Variants in ZNF407 observed in about 807,000 individuals in gnomAD.
ZNF407 encodes zinc finger protein 407.
Under a neutral mutation model 131.2 loss-of-function variants are expected in ZNF407, and 17 were observed. The ratio of observed to expected loss-of-function variants is 0.13; its 90% confidence interval spans 0.09 to 0.19. ZNF407 has a LOEUF of 0.19. Among genes scored for constraint, ZNF407 ranks in the 10% least tolerant of loss-of-function variants. The probability of loss-of-function intolerance (pLI) is 1.00; values close to 1 mark genes in which losing one functional copy is unlikely to be tolerated. For synonymous variants in ZNF407, 1,156 were observed against 1,062.0 expected, an observed-to-expected ratio of 1.09 and a Z score of -1.72; for missense variants, 2,681 against 2,830.6, an observed-to-expected ratio of 0.95 and a Z score of 1.20.
At chr18:74,662,362 G>T (rs1985752547) in intron 3 of ZNF407, among the ~76,000 whole-genome samples, 1 of 152,084 alleles carries the variant, frequency 6.6e-6, no homozygotes, top group Non-Finnish European at 1.5e-5. Context: ...TAATCCCTCT[G>T]TTATCATTAT....
At chr18:75,047,603 T>G (rs529589338) in intron 8 of ZNF407, among the ~76,000 whole-genome samples, 5 of 152,374 alleles carry the variant, frequency 3.3e-5, no homozygotes, top group African/African-American at 9.6e-5. Context: ...CTGTTAAGAC[T>G]TTCAGATATT....
chr18:74,611,674 A>G (rs1485422701), intron 1 of ZNF407, among the ~76,000 whole-genome samples: 1 of 152,208 alleles, frequency 6.6e-6, no homozygotes, highest in African/African-American at 2.4e-5. Flanking sequence ...GGGAGTATCT[A>G]GTAAAGTTGA....
intron 3 of ZNF407, among the ~76,000 whole-genome samples, chr18:74,663,643 C>G (rs1985809769): frequency 6.6e-6 from 1 of 152,230 alleles, no homozygotes; most frequent in East Asian, 1.9e-4. Flanking sequence ...CTGCATTTTG[C>G]TGTGTTCAGA....
intron 2 of ZNF407, among the ~76,000 whole-genome samples, chr18:74,637,874 T>A (rs1430590169): frequency 6.6e-6 from 1 of 152,178 alleles, no homozygotes; most frequent in Admixed American, 6.5e-5. Context: ...AAGAAATAAA[T>A]GAGTTTTGGT....
intron 8 of ZNF407, among the ~76,000 whole-genome samples, chr18:75,008,325 T>G (rs1972935407): frequency 6.6e-6 from 1 of 152,116 alleles, no homozygotes; most frequent in Non-Finnish European, 1.5e-5. Context: ...TACAGATGAT[T>G]CCAAATCACA....
At chr18:74,882,283 G>A (rs1971249575) in intron 6 of ZNF407, among the ~76,000 whole-genome samples, 1 of 152,140 alleles carries the variant, frequency 6.6e-6, no homozygotes, top group Non-Finnish European at 1.5e-5. Flanking sequence ...GTGGTTTCTT[G>A]TAATTATTAA....
intron 8 of ZNF407, among the ~76,000 whole-genome samples, chr18:74,924,942 T>A (rs148640800): frequency 1.3e-5 from 2 of 152,344 alleles, no homozygotes. Flanking sequence ...GTGGTCACTT[T>A]CTGAGCCTAT....
intron 8 of ZNF407, among the ~76,000 whole-genome samples, chr18:74,934,279 T>C (rs1257325323): frequency 2.0e-5 from 3 of 152,242 alleles, no homozygotes; most frequent in Non-Finnish European, 2.9e-5. Context: ...TTAATCACTA[T>C]TGTATGGAAT....
intron 8 of ZNF407, among the ~76,000 whole-genome samples, chr18:74,931,656 TA>T (rs562027500): frequency 4.0e-5 from 6 of 148,660 alleles, no homozygotes; most frequent in Non-Finnish European, 9.0e-5. Context: ...TTTAACTGTC[TA>T]AAAAAAAAAC....
intron 7 of ZNF407, among the ~76,000 whole-genome samples, chr18:74,901,026 C>A (rs1971517644): frequency 6.6e-6 from 1 of 152,038 alleles, no homozygotes; most frequent in Admixed American, 6.5e-5. Context: ...ATAATGTGAA[C>A]AGGGAAGGCA....
intron 3 of ZNF407, among the ~76,000 whole-genome samples, chr18:74,705,757 A>G (rs1599084581): frequency 6.6e-6 from 1 of 152,346 alleles, no homozygotes; most frequent in East Asian, 1.9e-4. Context: ...CATTTTTGAC[A>G]ATATGAAAAT....
intron 8 of ZNF407, among the ~76,000 whole-genome samples, chr18:75,002,891 G>GT (rs1175368740): frequency 6.6e-6 from 1 of 151,802 alleles, no homozygotes; most frequent in Non-Finnish European, 1.5e-5. Context: ...AAACGAAAGT[G>GT]TTTTACAAAT....
intron 3 of ZNF407, among the ~76,000 whole-genome samples, chr18:74,722,132 G>T (rs1005908541): frequency 1.3e-5 from 2 of 151,084 alleles, no homozygotes; most frequent in African/African-American, 2.4e-5. Context: ...GTTTCTTGAT[G>T]TTGAACTTTT....
chr18:74,840,018 C>G (rs1023768414), intron 4 of ZNF407, among the ~76,000 whole-genome samples: 2 of 152,186 alleles, frequency 1.3e-5, no homozygotes, highest in South Asian at 4.2e-4. Context: ...TCAGCCCTGG[C>G]ATATTAGATT....
chr18:74,614,678 G>T (rs1023483382), intron 1 of ZNF407, among the ~76,000 whole-genome samples: 35 of 152,100 alleles, frequency 2.3e-4, no homozygotes, highest in African/African-American at 7.5e-4. Context: ...CAGAATCTTT[G>T]ACGAGTAAGA....
chr18:74,984,232 C>A (rs1017009382), intron 8 of ZNF407, among the ~76,000 whole-genome samples: 6 of 152,150 alleles, frequency 3.9e-5, no homozygotes, highest in Non-Finnish European at 8.8e-5. Context: ...CCTAAGCCTG[C>A]GCTGCCCCTC....
chr18:74,777,089 G>A (rs559620179), intron 3 of ZNF407, among the ~76,000 whole-genome samples: 85 of 152,134 alleles, frequency 5.6e-4, no homozygotes, highest in African/African-American at 2.0e-3. Flanking sequence ...TAATAGATGA[G>A]TTAGATCATC....
chr18:74,839,324 C>T (rs1347623483), intron 4 of ZNF407, among the ~76,000 whole-genome samples: 1 of 152,198 alleles, frequency 6.6e-6, no homozygotes, highest in African/African-American at 2.4e-5. Flanking sequence ...CATACACACA[C>T]ACTGGAGATT....
chr18:74,641,223 A>G lies in ZNF407; in HGVS notation c.4802+101A>G, dbSNP rs1984700873. The G allele has an allele frequency of 5.2e-5, 42 of 815,156 alleles. No homozygotes were observed. The South Asian group carries it at 6.2e-4, about 12-fold the overall frequency. 50.5% of individuals were successfully genotyped at this position (815,156 alleles called of 1,614,324 possible). On this transcript the variant is annotated intron_variant, in intron 3 of 8. Coordinates refer to ENST00000299687, the MANE Select transcript of ZNF407 (RefSeq NM_017757.3). ...ACCGATAGGAGTAAGAGTGGCTAAA[A>G]TTATGCATGCGTACCCTCCTTTCCA...
Sources: gnomAD v4.1 joint callset for allele counts (sites outside exome capture counted in the v4.1 genomes callset) on GRCh38, gnomAD v4.1.1 for gene constraint, MANE v1.5 for transcripts, NCBI Gene and HGNC (gene_info 2026-07-23, HGNC 2026-07-21) for gene names.